Variants in RPS5 observed in about 807,000 individuals in gnomAD.
RPS5 encodes the protein small ribosomal subunit protein uS7.
In RPS5, 2 loss-of-function variants were observed where a neutral mutation model predicts 20.9. The ratio of observed to expected loss-of-function variants is 0.10; its 90% confidence interval spans 0.04 to 0.30. The LOEUF is 0.30. Ranked by LOEUF, RPS5 falls within the 10% of genes least tolerant of loss-of-function variation. The pLI is 1.00. For synonymous variants in RPS5, 112 were observed against 105.8 expected (o/e 1.06, Z -0.36); for missense variants, 122 against 287.2 (o/e 0.42, Z 4.16).
intron 2 of RPS5, among the ~76,000 whole-genome samples, chr19:58,388,766 A>G (rs113191035): frequency 1.7e-4 from 25 of 150,386 alleles, no homozygotes; most frequent in Admixed American, 1.1e-3. Flanking sequence ...CTGGGACTAC[A>G]GGTGCCCGCC....
At chr19:58,390,425 ACT>A (rs1491416620) in intron 2 of RPS5, among the ~76,000 whole-genome samples, 1 of 73,218 alleles carries the variant, frequency 1.4e-5, no homozygotes, top group African/African-American at 4.7e-5. Flanking sequence ...GGCCACTGTT[ACT>A]TTTTTTTTTT....
intron 4 of RPS5, 83 bp downstream of exon 4, chr19:58,393,570 C>T: frequency 6.6e-7 from 1 of 1,516,856 alleles, no homozygotes; most frequent in Non-Finnish European, 8.9e-7. Flanking sequence ...GAAGGCTCCT[C>T]TCTGTCTGCA....
chr19:58,392,839 C>T (rs781312126), intron 2 of RPS5, 137 bp from the exon 3 acceptor site: 2 of 739,928 alleles, frequency 2.7e-6, no homozygotes, highest in East Asian at 2.7e-5. Flanking sequence ...ATCCAAGTCC[C>T]CTGTTGAGGC....
chr19:58,387,950 G>A (rs1329555905), intron 1 of RPS5, 187 bp from the exon 2 acceptor site: 12 of 591,926 alleles, frequency 2.0e-5, no homozygotes, highest in Non-Finnish European at 3.3e-5. Flanking sequence ...GTGAAAGACA[G>A]ATGCTTCTTG....
chr19:58,390,480 G>A (rs1440595119), intron 2 of RPS5, among the ~76,000 whole-genome samples: 2 of 137,266 alleles, frequency 1.5e-5, no homozygotes, highest in Admixed American at 7.8e-5. Flanking sequence ...CTGTCACCCA[G>A]GCTGGAGTGC....
chr19:58,392,518 G>A (rs1022793357), intron 2 of RPS5, among the ~76,000 whole-genome samples: 4 of 150,982 alleles, frequency 2.6e-5, no homozygotes, highest in African/African-American at 7.3e-5. Flanking sequence ...CTAGCTACTC[G>A]GGAGGTTGAG....
rs1302380785 is a variant in RPS5 at position 58,393,005 on chromosome 19, C to G, written c.138C>G (p.Ala46=). 8 of 1,613,926 alleles carry G rather than the reference C, an allele frequency of 5.0e-6. No homozygotes were observed. The highest frequency in any genetic ancestry group is 5.9e-6 in the Non-Finnish European group (7 of 1,179,866). The change falls in exon 3 of 6, where the codon GCC becomes GCG. Residue 46 remains alanine (A), a synonymous_variant. Coordinates refer to ENST00000196551, the MANE Select transcript of RPS5 (RefSeq NM_001009.4). ...QDYIAVKEKY[A]KYLPHSAGRY... ...ACATTGCAGTGAAGGAGAAGTATGC[C>G]AAGTACCTGCCTCACAGTGCAGGGC...
intron 4 of RPS5, chr19:58,394,127 T>G (rs2052381583): frequency 4.7e-6 from 1 of 211,898 alleles, no homozygotes. Context: ...TCGGTTTTTT[T>G]GTTTGTAGAG....
chr19:58,388,088 C>A, intron 1 of RPS5, 49 bp from the exon 2 acceptor site: 1 of 1,343,532 alleles, frequency 7.4e-7, no homozygotes, highest in Non-Finnish European at 1.1e-6. Context: ...GCCTTTGCTC[C>A]ATGCTAGCTG....
At chr19:58,388,029 C>G in intron 1 of RPS5, 108 bp from the exon 2 acceptor site, 1 of 714,766 alleles carries the variant, frequency 1.4e-6, no homozygotes. Context: ...TTTGCGACCC[C>G]CCAGTTCATC....
chr19:58,393,238 G>A, intron 3 of RPS5, 53 bp downstream of exon 3: 2 of 1,612,618 alleles, frequency 1.2e-6, no homozygotes, highest in Admixed American at 1.7e-5. Context: ...ACACCCGAAA[G>A]CCCCACGGAG....
At chr19:58,392,837 C>T (rs1409097238) in intron 2 of RPS5, 139 bp from the exon 3 acceptor site, 6 of 725,888 alleles carry the variant, frequency 8.3e-6, no homozygotes, top group Middle Eastern at 2.4e-4. Flanking sequence ...ACATCCAAGT[C>T]CCCTGTTGAG....
intron 4 of RPS5, chr19:58,394,177 C>A: frequency 3.2e-6 from 1 of 310,174 alleles, no homozygotes; most frequent in Non-Finnish European, 6.2e-6. Context: ...TCTCAAACTC[C>A]CTGCCAAAGT....
At chr19:58,392,427 C>A (rs1296863583) in intron 2 of RPS5, among the ~76,000 whole-genome samples, 1 of 152,056 alleles carries the variant, frequency 6.6e-6, no homozygotes, top group East Asian at 1.9e-4. Context: ...AGTTCAAGAC[C>A]AGCCTGGCCA....
rs772474879 is a variant in RPS5, at chr19:58,393,002, T to C, written c.135T>C (p.Tyr45=). The C allele has an allele frequency of 6.2e-7, 1 of 1,613,932 alleles. No individual in the cohort carries two copies. Among genetic ancestry groups the C allele is most frequent in the South Asian group, 1.1e-5 (1 of 91,074 alleles). The part of the protein sequence containing the change: ...LQDYIAVKEK[Y]AKYLPHSAGR... ...ATTACATTGCAGTGAAGGAGAAGTATGCCAAGTACCTGCCTCACAGTGCAG... is the reference window on the plus strand; with the variant it reads ...ATTACATTGCAGTGAAGGAGAAGTACGCCAAGTACCTGCCTCACAGTGCAG... Residue 45 remains tyrosine (Y), a synonymous_variant, in exon 3 of 6, where the codon TAT becomes TAC. Coordinates refer to ENST00000196551, the MANE Select transcript of RPS5 (RefSeq NM_001009.4).
At chr19:58,389,838 T>C (rs970127968) in intron 2 of RPS5, among the ~76,000 whole-genome samples, 2 of 151,770 alleles carry the variant, frequency 1.3e-5, no homozygotes, top group African/African-American at 4.8e-5. Context: ...GGTTTCACCA[T>C]GTTGGTTAGG....
rs61731810 is a variant in RPS5, at chr19:58,393,143, C to T, written c.276C>T (p.Ile92=). 60 of 1,613,974 alleles carry T rather than the reference C, an allele frequency of 3.7e-5. No individual in the cohort carries two copies. Among genetic ancestry groups the T allele is most frequent in the Middle Eastern group, 1.6e-4 (1 of 6,084 alleles). Residue 92 remains isoleucine, a synonymous_variant, in exon 3 of 6, where the codon ATC becomes ATT. Coordinates refer to ENST00000196551, the MANE Select transcript of RPS5 (RefSeq NM_001009.4). The part of the protein sequence containing the change: ...NNGKKLMTVR[I]VKHAFEIIHL... ...GCAAGAAGCTCATGACTGTGCGCATCGTCAAGCATGCCTTCGAGATCATAC... is the reference window on the plus strand; with the variant it reads ...GCAAGAAGCTCATGACTGTGCGCATTGTCAAGCATGCCTTCGAGATCATAC...
At chr19:58,393,673 C>T (rs2052378319) in intron 4 of RPS5, 186 bp downstream of exon 4, 1 of 659,192 alleles carries the variant, frequency 1.5e-6, no homozygotes, top group African/African-American at 1.8e-5. Context: ...TCTTCGGGAA[C>T]ACATTTGGCA....
At chr19:58,391,167 G>A (rs901437378) in intron 2 of RPS5, among the ~76,000 whole-genome samples, 4 of 152,076 alleles carry the variant, frequency 2.6e-5, no homozygotes, top group African/African-American at 2.4e-5. Context: ...GTTCTGGGCC[G>A]GGCGCCGTAA....
Sources: gnomAD v4.1 joint callset for allele counts (sites outside exome capture counted in the v4.1 genomes callset) on GRCh38, gnomAD v4.1.1 for gene constraint, MANE v1.5 for transcripts, NCBI Gene and HGNC (gene_info 2026-07-23, HGNC 2026-07-21) for gene names.